Variants in TANGO6 observed in about 807,000 individuals in gnomAD.
The protein encoded by TANGO6 is transport and golgi organization 6 homolog.
Under a neutral mutation model 114.2 loss-of-function variants are expected in TANGO6, and 90 were observed. That is an observed-to-expected ratio of 0.79 (90% CI 0.66 to 0.94). The LOEUF is 0.94. TANGO6 is among the 40% of genes least tolerant of loss of function. TANGO6 has a pLI of 0.00. For missense variants in TANGO6, 1,274 were observed against 1,315.3 expected, an observed-to-expected ratio of 0.97 and a Z score of 0.49; for synonymous variants, 477 against 509.8, an observed-to-expected ratio of 0.94 and a Z score of 0.87.
chr16:68,860,336 G>A lies in TANGO6; in HGVS notation c.547G>A (p.Val183Met). 1.2e-6 allele frequency: 2 copies of A among 1,613,976 alleles called. No individual in the cohort carries two copies. Among genetic ancestry groups the A allele is most frequent in the Non-Finnish European group, 1.7e-6 (2 of 1,179,896 alleles). ...TEFGAVVQDVVCFDAAPDATR... is the reference protein window; with the variant it reads ...TEFGAVVQDVMCFDAAPDATR... ...ATTTGGTGCCGTCGTTCAAGACGTG[G>A]TGTGTTTTGATGCTGCCCCCGATGC... The change falls in exon 2 of 18, where the codon GTG (valine) becomes ATG (methionine). Residue 183 changes from valine (V) to methionine (M), a missense_variant. Physicochemically the swap from Val to Met is conservative, Grantham distance 21. Transcript: ENST00000261778.
chr16:68,920,750 C>A (rs2152191581), intron 12 of TANGO6, among the ~76,000 whole-genome samples: 1 of 152,000 alleles, frequency 6.6e-6, no homozygotes, highest in Non-Finnish European at 1.5e-5. Flanking sequence ...AGTGTGAAGC[C>A]CATTTCTTTA....
intron 7 of TANGO6, among the ~76,000 whole-genome samples, chr16:68,896,888 T>G (rs1962713065): frequency 6.6e-6 from 1 of 152,114 alleles, no homozygotes; most frequent in Non-Finnish European, 1.5e-5. Context: ...GGTAAATTGG[T>G]AAGGGTTATT....
intron 7 of TANGO6, among the ~76,000 whole-genome samples, chr16:68,898,631 C>T (rs1962740363): frequency 6.6e-6 from 1 of 152,076 alleles, no homozygotes; most frequent in Admixed American, 6.6e-5. Context: ...TGAGCCATCA[C>T]ACTGGGCCGC....
intron 17 of TANGO6, among the ~76,000 whole-genome samples, chr16:69,061,735 CGGCCG>C (rs1397697477): frequency 6.6e-6 from 1 of 151,320 alleles, no homozygotes; most frequent in African/African-American, 2.4e-5. Flanking sequence ...AATGCATTTC[CGGCCG>C]GGCGCGCGGT....
chr16:68,959,022 G>A (rs1393317135), intron 14 of TANGO6, among the ~76,000 whole-genome samples: 1 of 152,220 alleles, frequency 6.6e-6, no homozygotes, highest in Non-Finnish European at 1.5e-5. Context: ...TAACCCCTGT[G>A]TAGAACCCTA....
At chr16:69,011,722 C>G (rs1281445257) in intron 15 of TANGO6, among the ~76,000 whole-genome samples, 1 of 152,160 alleles carries the variant, frequency 6.6e-6, no homozygotes, top group Non-Finnish European at 1.5e-5. Context: ...CTGCCCAAAT[C>G]TTGTTAATTC....
intron 2 of TANGO6, 89 bp downstream of exon 2, chr16:68,860,613 T>G (rs939295608): frequency 8.1e-6 from 12 of 1,473,426 alleles, no homozygotes; most frequent in South Asian, 2.7e-5. Context: ...AAAAGGCAAC[T>G]CTTAGTTCTT....
chr16:68,844,770 A>G (rs563190685), intron 1 of TANGO6, among the ~76,000 whole-genome samples: 6 of 152,180 alleles, frequency 3.9e-5, no homozygotes, highest in South Asian at 2.1e-4. Context: ...CTTGTATTCA[A>G]TTTTTACGGA....
chr16:68,921,607 C>CTTTTTTTT (rs1167059062), intron 12 of TANGO6, among the ~76,000 whole-genome samples: 3 of 57,942 alleles, frequency 5.2e-5, no homozygotes, highest in African/African-American at 8.3e-5. Context: ...TGAGAGTGTG[C>CTTTTTTTT]TTTTTTTTTT....
At chr16:68,904,549 G>A (rs115921648) in intron 9 of TANGO6, among the ~76,000 whole-genome samples, 73 of 152,182 alleles carry the variant, frequency 4.8e-4, no homozygotes, top group African/African-American at 1.8e-3. Flanking sequence ...TGATGAGATG[G>A]GCTGCCAAAT....
intron 5 of TANGO6, among the ~76,000 whole-genome samples, chr16:68,877,488 A>G (rs1169007584): frequency 6.6e-6 from 1 of 151,858 alleles, no homozygotes; most frequent in African/African-American, 2.4e-5. Context: ...AAAAAAGGAA[A>G]AAGAAAAATG....
chr16:68,846,311 C>CGCGA (rs1264129297), intron 1 of TANGO6, among the ~76,000 whole-genome samples: 5 of 152,074 alleles, frequency 3.3e-5, no homozygotes, highest in Admixed American at 2.6e-4. Context: ...GGATTACAGG[C>CGCGA]GCGAGCCACC....
At chr16:68,844,939 A>G (rs561272072) in intron 1 of TANGO6, among the ~76,000 whole-genome samples, 1 of 151,260 alleles carries the variant, frequency 6.6e-6, no homozygotes, top group South Asian at 2.1e-4. Flanking sequence ...TTGCTAATCG[A>G]GAGGTCACTT....
At chr16:68,873,503 G>A (rs559036525) in intron 4 of TANGO6, among the ~76,000 whole-genome samples, 3 of 149,470 alleles carry the variant, frequency 2.0e-5, no homozygotes, top group African/African-American at 7.3e-5. Flanking sequence ...TAGTAGAGAC[G>A]GGGTTTCACC....
chr16:68,935,750 T>G (rs1963293097), intron 14 of TANGO6, among the ~76,000 whole-genome samples: 1 of 152,250 alleles, frequency 6.6e-6, no homozygotes, highest in Non-Finnish European at 1.5e-5. Flanking sequence ...TCCTTGTATA[T>G]TCTTTCTTCA....
intron 7 of TANGO6, among the ~76,000 whole-genome samples, chr16:68,885,387 T>A (rs1962526492): frequency 6.6e-6 from 1 of 152,236 alleles, no homozygotes; most frequent in Non-Finnish European, 1.5e-5. Context: ...ATTGTCAGTC[T>A]AATTTTAGAA....
intron 11 of TANGO6, among the ~76,000 whole-genome samples, chr16:68,914,634 T>A (rs530940030): frequency 1.5e-3 from 226 of 152,280 alleles, no homozygotes; most frequent in African/African-American, 4.8e-3. Flanking sequence ...AAGTTTTAAG[T>A]AAAAAGTAAA....
chr16:69,039,623 G>C (rs891577204), intron 16 of TANGO6, among the ~76,000 whole-genome samples: 2 of 151,896 alleles, frequency 1.3e-5, no homozygotes, highest in Non-Finnish European at 2.9e-5. Context: ...GTGACAGAGT[G>C]AGACCCTGTC....
chr16:68,855,266 T>C (rs1197833296), intron 1 of TANGO6, among the ~76,000 whole-genome samples: 2 of 151,864 alleles, frequency 1.3e-5, no homozygotes, highest in Non-Finnish European at 2.9e-5. Context: ...AGTTTGTATA[T>C]TTTGTGTTAA....
Sources: allele counts gnomAD v4.1 joint callset (sites outside exome capture counted in the v4.1 genomes callset), GRCh38; gene constraint gnomAD v4.1.1; transcripts MANE v1.5; gene names NCBI Gene and HGNC (gene_info 2026-07-23, HGNC 2026-07-21).